Variants in PTGER3 observed in about 807,000 individuals in gnomAD.
PTGER3 encodes the protein prostaglandin E2 receptor EP3 subtype.
A neutral mutation model predicts 34.7 loss-of-function variants in PTGER3; 22 were observed. The ratio of observed to expected loss-of-function variants is 0.63; its 90% CI spans 0.45 to 0.91. The LOEUF (loss-of-function observed/expected upper bound fraction) is 0.91. PTGER3 is among the 40% of genes least tolerant of loss of function. The pLI is 0.00. For missense variants in PTGER3, 468 were observed against 519.4 expected (o/e 0.90, Z 0.96); for synonymous variants, 241 against 230.1 (o/e 1.05, Z -0.43).
At chr1:70,908,836 T>A (rs1171810024) in intron 4 of PTGER3, among the ~76,000 whole-genome samples, 2 of 152,198 alleles carry the variant, frequency 1.3e-5, no homozygotes, top group Non-Finnish European at 2.9e-5. Flanking sequence ...GCATTAAAGC[T>A]CTTTTTCATG....
At chr1:70,964,185 T>C (rs1652264973) in intron 2 of PTGER3, among the ~76,000 whole-genome samples, 1 of 152,216 alleles carries the variant, frequency 6.6e-6, no homozygotes, top group Non-Finnish European at 1.5e-5. Flanking sequence ...CGCATCTTTC[T>C]GTCCTCTGAG....
intron 4 of PTGER3, among the ~76,000 whole-genome samples, chr1:70,922,724 ATG>A (rs1647667867): frequency 6.6e-6 from 1 of 152,202 alleles, no homozygotes; most frequent in African/African-American, 2.4e-5. Flanking sequence ...AGAAAGTAAA[ATG>A]TGTTTTTTGT....
chr1:70,900,310 T>C (rs1646808347), intron 4 of PTGER3, among the ~76,000 whole-genome samples: 1 of 151,990 alleles, frequency 6.6e-6, no homozygotes, highest in East Asian at 1.9e-4. Context: ...TTGTTGGAGT[T>C]GGGGGGAAGG....
Position 70,907,599 on chromosome 1 carries a change from G to C in PTGER3, c.*23+46164C>G, listed in dbSNP as rs116575096. ...GTCAGATCTTCCAAGTCAGTAGTTT[G>C]GGCAGGCACATCAGTAACACATCAT... On this transcript the variant is annotated intron_variant, in intron 4 of 4. Coordinates refer to the PTGER3 transcript ENST00000370931. Among the ~76,000 whole-genome samples, 1,400 of 152,312 alleles carry C rather than the reference G, an allele frequency of 9.2e-3. 16 individuals are homozygous for C. Among genetic ancestry groups the C allele is most frequent in the African/African-American group, 0.033 (1,353 of 41,564 alleles).
chr1:71,014,873 C>T (rs1657754781), intron 1 of PTGER3, among the ~76,000 whole-genome samples: 1 of 152,206 alleles, frequency 6.6e-6, no homozygotes, highest in Admixed American at 6.5e-5. Context: ...CCAATCCCAG[C>T]TGTGATCAAA....
At chr1:70,990,336 G>A (rs1261422771) in intron 2 of PTGER3, among the ~76,000 whole-genome samples, 4 of 143,080 alleles carry the variant, frequency 2.8e-5, no homozygotes, top group East Asian at 4.3e-4. Context: ...CAGCCTGGGC[G>A]ACAGAACGAG....
At chr1:70,968,155 C>CT (rs1318907842), downstream of PTGER3, among the ~76,000 whole-genome samples, 1 of 152,140 alleles carries the variant, frequency 6.6e-6, no homozygotes, top group African/African-American at 2.4e-5. Context: ...AATGAAAGCA[C>CT]TAATGCTGCA....
chr1:71,042,784 A>G (rs1419594411), intron 1 of PTGER3, among the ~76,000 whole-genome samples: 1 of 151,122 alleles, frequency 6.6e-6, no homozygotes, highest in Non-Finnish European at 1.5e-5. Flanking sequence ...ACTAAAATGA[A>G]AAAAAATCAC....
At chr1:70,953,671 T>C in intron 3 of PTGER3, 7 of 1,512,918 alleles carry the variant, frequency 4.6e-6, no homozygotes, top group Non-Finnish European at 5.3e-6. Flanking sequence ...GAACTTTCAA[T>C]TTAAGGAAAT....
At chr1:70,977,126 G>A (rs538883725) in intron 2 of PTGER3, among the ~76,000 whole-genome samples, 2 of 152,170 alleles carry the variant, frequency 1.3e-5, no homozygotes, top group African/African-American at 2.4e-5. Context: ...AGGGAGGGTC[G>A]GTGTTGATCT....
chr1:70,970,641 T>A (rs1250753561), downstream of PTGER3: 1 of 164,738 alleles, frequency 6.1e-6, no homozygotes, highest in Non-Finnish European at 1.3e-5. Context: ...AGACACTCAG[T>A]AAATATGTGG....
intron 1 of PTGER3, among the ~76,000 whole-genome samples, chr1:71,034,297 T>C (rs1659644231): frequency 6.6e-6 from 1 of 152,222 alleles, no homozygotes. Context: ...TCTTTTAATG[T>C]GTTCCTTTTG....
At chr1:70,953,160 T>C in intron 3 of PTGER3, 1 of 1,023,110 alleles carries the variant, frequency 9.8e-7, no homozygotes, top group Non-Finnish European at 1.3e-6. Flanking sequence ...TAATCACTAT[T>C]TATACAACAT....
intron 4 of PTGER3, among the ~76,000 whole-genome samples, chr1:70,921,264 T>A (rs1422457223): frequency 1.3e-5 from 2 of 152,118 alleles, no homozygotes; most frequent in African/African-American, 4.8e-5. Context: ...TATCACTTAA[T>A]GTAAAAGGAG....
chr1:71,016,605 C>T (rs1010024073), intron 1 of PTGER3, among the ~76,000 whole-genome samples: 3 of 152,104 alleles, frequency 2.0e-5, no homozygotes, highest in Admixed American at 2.0e-4. Flanking sequence ...CAGTTCGAGA[C>T]CAGCCTGGGC....
intron 4 of PTGER3, among the ~76,000 whole-genome samples, chr1:70,897,021 A>C (rs914833583): frequency 5.3e-5 from 8 of 152,122 alleles, no homozygotes; most frequent in African/African-American, 1.9e-4. Context: ...CCACCCATGG[A>C]TCCGATGAGG....
chr1:71,023,644 T>G (rs1658625245), intron 1 of PTGER3, among the ~76,000 whole-genome samples: 1 of 151,868 alleles, frequency 6.6e-6, no homozygotes, highest in Admixed American at 6.5e-5. Context: ...TCAAAGGTGT[T>G]TCTACATTAA....
chr1:70,885,519 T>C (rs1381219460), intron 4 of PTGER3, among the ~76,000 whole-genome samples: 2 of 152,218 alleles, frequency 1.3e-5, no homozygotes, highest in African/African-American at 2.4e-5. Flanking sequence ...AAGTGGTACA[T>C]ATATTATGTA....
chr1:70,882,184 G>C (rs1014743786), intron 4 of PTGER3, among the ~76,000 whole-genome samples: 4 of 152,184 alleles, frequency 2.6e-5, no homozygotes, highest in Admixed American at 6.5e-5. Flanking sequence ...TGGGCTTGAA[G>C]ATCTAGCAGG....
Sources: allele counts gnomAD v4.1 joint callset (sites outside exome capture counted in the v4.1 genomes callset), GRCh38; gene constraint gnomAD v4.1.1; transcripts MANE v1.5; gene names NCBI Gene and HGNC (gene_info 2026-07-23, HGNC 2026-07-21).